RPP40: variants seen among roughly 807,000 people sequenced by gnomAD.
RPP40 encodes ribonuclease P protein subunit p40.
RPP40 carries 30 observed loss-of-function variants against 42.5 expected under a neutral mutation model. The ratio of observed to expected loss-of-function variants is 0.71; its 90% CI spans 0.53 to 0.96. The LOEUF (loss-of-function observed/expected upper bound fraction) is 0.96, where lower values mean the gene tolerates loss of function less well. Ranked by LOEUF, RPP40 falls within the 40% of genes least tolerant of loss-of-function variation. The probability of loss-of-function intolerance (pLI) is 0.00; values close to 1 mark genes in which losing one functional copy is unlikely to be tolerated. For missense variants in RPP40, 426 were observed against 433.5 expected (o/e 0.98, Z 0.15); for synonymous variants, 173 against 164.0 (o/e 1.05, Z -0.42).
In RPP40 at chr6:4,994,923, C is replaced by T; in HGVS notation, c.*155G>A. 1 of 648,070 alleles carries T rather than the reference C, an allele frequency of 1.5e-6. No individual in the cohort carries two copies. Among genetic ancestry groups the T allele is most frequent in the Non-Finnish European group, 2.6e-6 (1 of 380,656 alleles). The allele number at this position is 648,070 out of a possible 1,614,324, so 40.1% of individuals were successfully genotyped here. The stretch of plus-strand genomic sequence containing the variant: ...TGGACAGCAGGCCTTGCTGCCATCA[C>T]AGATGGGTCTCAGGTGCAGGGCAGG... On this transcript the variant is annotated 3_prime_UTR_variant, in exon 8 of 8. Coordinates refer to ENST00000380051, the MANE Select transcript of RPP40 (RefSeq NM_006638.4).
chr6:4,992,522 C>T (rs146584945), downstream of RPP40, among the ~76,000 whole-genome samples: 301 of 152,318 alleles, frequency 2.0e-3, 2 homozygotes, highest in African/African-American at 5.9e-3. Flanking sequence ...ATTAATATAG[C>T]CACTTCAATT....
chr6:5,001,959 G>T, intron 2 of RPP40, 142 bp downstream of exon 2: 1 of 671,260 alleles, frequency 1.5e-6, no homozygotes, highest in Non-Finnish European at 2.5e-6. Flanking sequence ...ATGAGAATGC[G>T]GGGGAGAACG....
At position 5,004,002 on chromosome 6, in the gene RPP40, TGCTCTCCTG is replaced by T; in HGVS notation, c.-9_-1del. The T allele has an allele frequency of 6.2e-7, 1 of 1,606,618 alleles. No homozygotes were observed. ...TCCCGAAGCCGGCGCAGCGTGGCCA[TGCTCTCCTG>T]GGTTCCTGGTCCTCCCGGCCTCCGC... is the stretch of plus-strand genomic sequence containing the variant. On this transcript the variant is annotated 5_prime_UTR_variant, in exon 1 of 8. Coordinates refer to ENST00000380051, the MANE Select transcript of RPP40 (RefSeq NM_006638.4).
chr6:5,003,627 C>G, intron 1 of RPP40: 1 of 398,296 alleles, frequency 2.5e-6, no homozygotes, highest in East Asian at 4.1e-5. Context: ...GCCAGAACGC[C>G]CCTGACAACA....
At chr6:4,992,054 T>G (rs1759267677), downstream of RPP40, among the ~76,000 whole-genome samples, 1 of 152,118 alleles carries the variant, frequency 6.6e-6, no homozygotes, top group Non-Finnish European at 1.5e-5. Flanking sequence ...GTGAGCCAAT[T>G]AGGCCAGGTG....
chr6:4,996,269 A>G lies in RPP40; in HGVS notation c.711T>C (p.Ala237=), dbSNP rs746470460. The change falls in exon 6 of 8, where the codon GCT becomes GCC. Residue 237 remains alanine (A), a synonymous_variant. Coordinates refer to ENST00000380051, the MANE Select transcript of RPP40 (RefSeq NM_006638.4). ...CGCCGAGCCAGTCGAAGAGCTCCAG[A>G]GCCCGGCAGGACACCTCTGGCGTTC... The part of the protein sequence containing the change: ...LEGTPEVSCR[A]LELFDWLGAV... The G allele has an allele frequency of 1.2e-6, 2 of 1,614,106 alleles. No individual in the cohort carries two copies. Among genetic ancestry groups the G allele is most frequent in the South Asian group, 2.2e-5 (2 of 91,084 alleles).
At position 4,995,308 on chromosome 6, in the gene RPP40, T is replaced by TA. The variant is rs767796077; in HGVS notation, c.894-33dup. 6.0e-6 allele frequency: 9 copies of TA among 1,505,092 alleles called. No homozygotes were observed. The South Asian group carries it at 1.0e-4, about 18-fold the overall frequency. The allele number at this position is 1,505,092 out of a possible 1,614,324, so 93.2% of individuals were successfully genotyped here. A position where few individuals can be genotyped will look rare whatever the true frequency, so the allele number is the denominator to read the frequency against. On this transcript the variant is annotated intron_variant, in intron 7 of 7. Coordinates refer to ENST00000380051, the MANE Select transcript of RPP40 (RefSeq NM_006638.4). ...AAAAGGTAGTTGTTAAACAGAGTTT[T>TA]AAAAGAGAGTTAGGAATGTCTGCAT...
At chr6:5,003,785 G>C in intron 1 of RPP40, 95 bp downstream of exon 1, 1 of 1,413,232 alleles carries the variant, frequency 7.1e-7, no homozygotes, top group Non-Finnish European at 9.4e-7. Flanking sequence ...CGTACCGCCG[G>C]CGGCCCCGCC....
At position 4,999,845 on chromosome 6, in the gene RPP40, G is replaced by A; in HGVS notation, c.397C>T (p.Pro133Ser). Reference protein sequence around the residue: ...TYEETGLQGHPSQFSGRKIMK... With the variant: ...TYEETGLQGHSSQFSGRKIMK... ...ATTTTTCTGCCAGAAAACTGAGATG[G>A]ATGACCCTGAAGTCCAGTTTCTTCA... is the stretch of plus-strand genomic sequence containing the variant. Residue 133 changes from proline (P) to serine (S), a missense_variant, in exon 4 of 8, where the codon CCA becomes TCA. Pro to Ser is a moderately conservative substitution (Grantham distance 74). Transcript: ENST00000380051. 6.2e-7 allele frequency: 1 copy of A among 1,608,074 alleles called. No homozygotes were observed.
chr6:4,997,728 T>G (rs1759425118), intron 5 of RPP40, among the ~76,000 whole-genome samples: 1 of 152,180 alleles, frequency 6.6e-6, no homozygotes, highest in South Asian at 2.1e-4. Context: ...GCTACTACCA[T>G]TCCTCTGAGG....
chr6:5,003,994 C>G lies in RPP40; in HGVS notation c.9G>C (p.Thr3=). MA[T]LRRLREAPRH... ...GCGGCGCCTCCCGAAGCCGGCGCAG[C>G]GTGGCCATGCTCTCCTGGGTTCCTG... The change falls in exon 1 of 8, where the codon ACG becomes ACC. Residue 3 remains threonine (T), a synonymous_variant. Transcript: ENST00000380051. 6.2e-7 allele frequency: 1 copy of G among 1,608,306 alleles called. No individual in the cohort carries two copies. The highest frequency in any genetic ancestry group is 8.5e-7 in the Non-Finnish European group (1 of 1,178,132).
chr6:4,993,670 A>AT (rs1484525378), downstream of RPP40, among the ~76,000 whole-genome samples: 3 of 152,070 alleles, frequency 2.0e-5, no homozygotes, highest in Non-Finnish European at 4.4e-5. Context: ...CCCTCTTGAG[A>AT]TTTTTTAAGA....
chr6:4,988,838 G>A, the RPP40 span, among the ~76,000 whole-genome samples: 1 of 152,176 alleles, frequency 6.6e-6, no homozygotes, highest in Non-Finnish European at 1.5e-5. Flanking sequence ...ATGCCCAAGA[G>A]TGAAATTACT....
At chr6:5,001,720 T>G (rs917056256) in intron 2 of RPP40, 1 of 174,766 alleles carries the variant, frequency 5.7e-6, no homozygotes, top group African/African-American at 2.4e-5. Flanking sequence ...TGTGGCTGTA[T>G]CGGGAGACCA....
At position 4,999,893 on chromosome 6, in the gene RPP40, A is replaced by G; in HGVS notation, c.349T>C (p.Leu117=). The part of the protein sequence containing the change: ...VALLPNGKLI[L]SLDKDTYEET... ...TCATAAGTGTCTTTATCCAGTGACA[A>G]AATTAATTTCCCTATAAATCAAATA... The change falls in exon 4 of 8, where the codon TTG becomes CTG. Residue 117 remains leucine (L), a synonymous_variant. Coordinates refer to ENST00000380051, the MANE Select transcript of RPP40 (RefSeq NM_006638.4). 2 of 1,594,710 alleles carry G rather than the reference A, an allele frequency of 1.3e-6. No individual in the cohort carries two copies.
intron 7 of RPP40, among the ~76,000 whole-genome samples, chr6:4,995,540 C>G (rs980960793): frequency 6.6e-6 from 1 of 152,084 alleles, no homozygotes; most frequent in Non-Finnish European, 1.5e-5. Flanking sequence ...CAAAAAGAAC[C>G]CAAAACAAAA....
At chr6:4,994,076 AT>A (rs199887099), downstream of RPP40, among the ~76,000 whole-genome samples, 7 of 151,206 alleles carry the variant, frequency 4.6e-5, no homozygotes, top group East Asian at 9.7e-4. Flanking sequence ...AAAAAAAAAA[AT>A]TTTTTTTTCC....
chr6:4,996,530 T>C (rs1759390461), intron 5 of RPP40, 110 bp from the exon 6 acceptor site: 3 of 960,344 alleles, frequency 3.1e-6, no homozygotes, highest in East Asian at 2.4e-5. Context: ...TTGAGTAAGA[T>C]GGAAGCTGTG....
downstream of RPP40, among the ~76,000 whole-genome samples, chr6:4,993,771 C>A (rs1042850085): frequency 6.6e-6 from 1 of 152,018 alleles, no homozygotes; most frequent in Non-Finnish European, 1.5e-5. Context: ...AGATGTTTTC[C>A]CCCAGGACAG....
Sources: allele counts gnomAD v4.1 joint callset (sites outside exome capture counted in the v4.1 genomes callset), GRCh38; gene constraint gnomAD v4.1.1; transcripts MANE v1.5; gene names NCBI Gene and HGNC (gene_info 2026-07-23, HGNC 2026-07-21).